MBD5: variants seen among roughly 807,000 people sequenced by gnomAD.
The protein encoded by MBD5 is methyl-CpG-binding domain protein 5.
A neutral mutation model predicts 117.3 loss-of-function variants in MBD5; 13 were observed. The ratio of observed to expected loss-of-function variants is 0.11; its 90% CI spans 0.07 to 0.18. The LOEUF (loss-of-function observed/expected upper bound fraction) is 0.18, where lower values mean the gene tolerates loss of function less well. MBD5 is among the 10% of genes least tolerant of loss of function. The pLI is 1.00. For missense variants in MBD5, 1,879 were observed against 2,093.8 expected (o/e 0.90, Z 2.00); for synonymous variants, 727 against 766.4 (o/e 0.95, Z 0.85).
At chr2:148,166,384 G>T (rs1219501733) in intron 1 of MBD5, among the ~76,000 whole-genome samples, 1 of 152,104 alleles carries the variant, frequency 6.6e-6, no homozygotes, top group Non-Finnish European at 1.5e-5. Context: ...TTCTCATCTG[G>T]TAAAAGATAG....
intron 3 of MBD5, among the ~76,000 whole-genome samples, chr2:148,302,629 TTTG>T (rs1701798873): frequency 6.8e-6 from 1 of 146,746 alleles, no homozygotes; most frequent in Non-Finnish European, 1.5e-5. Context: ...TGGGTTTTTG[TTTG>T]TTTTTTTTCT....
At position 148,483,880 on chromosome 2, in the gene MBD5, G is replaced by T; in HGVS notation, c.3289G>T (p.Ala1097Ser). The change falls in exon 9 of 14, where the codon GCA becomes TCA. Residue 1097 changes from alanine (A) to serine (S), a missense_variant. Ala to Ser is a moderately conservative substitution (Grantham distance 99, BLOSUM62 1). Transcript: ENST00000642680. Reference protein sequence around the residue: ...PQLLGGVLNSASANTANHPEV... With the variant: ...PQLLGGVLNSSSANTANHPEV... ...GCTGTTGGGAGGTGTCCTGAACTCG[G>T]CATCGGCCAACACCGCTAATCATCC... 3.2e-6 allele frequency: 5 copies of T among 1,550,532 alleles called. No homozygotes were observed. Among genetic ancestry groups the T allele is most frequent in the Non-Finnish European group, 4.4e-6 (5 of 1,146,970 alleles).
intron 1 of MBD5, among the ~76,000 whole-genome samples, chr2:148,134,016 G>T (rs1323422138): frequency 2.0e-5 from 3 of 152,136 alleles, no homozygotes; most frequent in Middle Eastern, 3.4e-3. Context: ...TATTCATCCA[G>T]CCAATTGCTG....
chr2:148,147,592 AC>A (rs1196453775), intron 1 of MBD5, among the ~76,000 whole-genome samples: 1 of 151,116 alleles, frequency 6.6e-6, no homozygotes, highest in Non-Finnish European at 1.5e-5. Context: ...AAATTAGATG[AC>A]CCCCTCCCCT....
chr2:148,189,140 A>T (rs919338192), intron 2 of MBD5, among the ~76,000 whole-genome samples: 8 of 146,182 alleles, frequency 5.5e-5, no homozygotes, highest in Non-Finnish European at 9.0e-5. Flanking sequence ...CTAGCACAGC[A>T]GTCTGAGATC....
intron 4 of MBD5, among the ~76,000 whole-genome samples, chr2:148,379,478 C>T (rs989375629): frequency 2.0e-5 from 3 of 151,748 alleles, no homozygotes; most frequent in African/African-American, 7.3e-5. Context: ...AAGACATAAA[C>T]TAAAGAAACC....
intron 1 of MBD5, among the ~76,000 whole-genome samples, chr2:148,110,590 C>T: frequency 6.6e-6 from 1 of 151,438 alleles, no homozygotes; most frequent in Admixed American, 6.6e-5. Context: ...CTATTTTCAT[C>T]CTTTGGCCTG....
intron 4 of MBD5, among the ~76,000 whole-genome samples, chr2:148,359,177 G>A (rs1703461573): frequency 6.6e-6 from 1 of 151,072 alleles, no homozygotes; most frequent in Admixed American, 6.6e-5. Context: ...AGAGGCATGA[G>A]AATCACTTGA....
intron 2 of MBD5, among the ~76,000 whole-genome samples, chr2:148,201,992 TG>T (rs1035160429): frequency 3.3e-5 from 5 of 152,282 alleles, no homozygotes; most frequent in African/African-American, 1.2e-4. Flanking sequence ...GTCCGGTCCT[TG>T]GATTTACCTG....
At chr2:148,218,252 G>A (rs901233012) in intron 2 of MBD5, among the ~76,000 whole-genome samples, 1 of 152,110 alleles carries the variant, frequency 6.6e-6, no homozygotes, top group African/African-American at 2.4e-5. Flanking sequence ...TTGGTAGGGG[G>A]TAAGTCTAGG....
intron 4 of MBD5, among the ~76,000 whole-genome samples, chr2:148,399,694 A>G (rs1165193393): frequency 6.6e-6 from 1 of 152,064 alleles, no homozygotes; most frequent in Non-Finnish European, 1.5e-5. Flanking sequence ...CACTATGTTG[A>G]ATAGGAGTGG....
At chr2:148,369,903 G>A (rs1255307537) in intron 4 of MBD5, among the ~76,000 whole-genome samples, 1 of 152,016 alleles carries the variant, frequency 6.6e-6, no homozygotes, top group East Asian at 1.9e-4. Flanking sequence ...ATAATAGATA[G>A]CTATTTCAAA....
chr2:148,150,579 A>T (rs992385824), intron 1 of MBD5, among the ~76,000 whole-genome samples: 3 of 151,966 alleles, frequency 2.0e-5, no homozygotes, highest in African/African-American at 7.3e-5. Flanking sequence ...ATGAGCATGG[A>T]ATGTTCTTCC....
chr2:148,161,307 A>G (rs1301847604), intron 1 of MBD5, among the ~76,000 whole-genome samples: 1 of 152,130 alleles, frequency 6.6e-6, no homozygotes, highest in Non-Finnish European at 1.5e-5. Context: ...GAAATAACCC[A>G]TTGGACTTAG....
chr2:148,404,588 AG>A (rs1705022148), intron 4 of MBD5, among the ~76,000 whole-genome samples: 1 of 152,178 alleles, frequency 6.6e-6, no homozygotes, highest in Admixed American at 6.6e-5. Flanking sequence ...AGCTCCAGCT[AG>A]GTTTAAGCTC....
intron 1 of MBD5, among the ~76,000 whole-genome samples, chr2:148,097,911 A>G (rs531562653): frequency 2.6e-5 from 4 of 152,356 alleles, no homozygotes; most frequent in African/African-American, 9.6e-5. Context: ...ACTACCTTCT[A>G]GGAACTTCAT....
At chr2:148,447,129 G>A (rs1361328034) in intron 4 of MBD5, among the ~76,000 whole-genome samples, 5 of 130,948 alleles carry the variant, frequency 3.8e-5, no homozygotes, top group African/African-American at 1.1e-4. Context: ...GAAAGAAAAA[G>A]AAAGAGAGAG....
intron 4 of MBD5, among the ~76,000 whole-genome samples, chr2:148,352,786 T>G (rs1703277735): frequency 6.6e-6 from 1 of 152,094 alleles, no homozygotes; most frequent in African/African-American, 2.4e-5. Flanking sequence ...AGATTTCAGA[T>G]TTTTGGAAGT....
chr2:148,109,019 T>C (rs369532558), intron 1 of MBD5, among the ~76,000 whole-genome samples: 12 of 152,324 alleles, frequency 7.9e-5, no homozygotes, highest in African/African-American at 2.9e-4. Context: ...AAACCCATTA[T>C]TGAACATTCA....
Sources: allele counts gnomAD v4.1 joint callset (sites outside exome capture counted in the v4.1 genomes callset), GRCh38; gene constraint gnomAD v4.1.1; transcripts MANE v1.5; gene names NCBI Gene and HGNC (gene_info 2026-07-23, HGNC 2026-07-21).